Variants in PLCH1 observed in about 807,000 individuals in gnomAD.
PLCH1 encodes phospholipase C eta 1, also known as 1-phosphatidylinositol 4,5-bisphosphate phosphodiesterase eta-1.
In PLCH1, 60 loss-of-function variants were observed where a neutral mutation model predicts 126.7. The ratio of observed to expected loss-of-function variants is 0.47; its 90% CI spans 0.38 to 0.59. The LOEUF is 0.59. PLCH1 is among the 20% of genes least tolerant of loss of function. The probability of loss-of-function intolerance (pLI) is 0.00; values close to 1 mark genes in which losing one functional copy is unlikely to be tolerated. For missense variants in PLCH1, 1,723 were observed against 2,040.0 expected (o/e 0.84, Z 2.99); for synonymous variants, 719 against 734.9 (o/e 0.98, Z 0.35).
At chr3:155,551,211 G>A (rs1464939346) in intron 9 of PLCH1, among the ~76,000 whole-genome samples, 15 of 152,046 alleles carry the variant, frequency 9.9e-5, no homozygotes, top group African/African-American at 2.2e-4. Flanking sequence ...TTGGGAGGCC[G>A]AAGCAGGCAG....
intron 2 of PLCH1, among the ~76,000 whole-genome samples, chr3:155,647,952 A>G (rs1297730625): frequency 6.6e-6 from 1 of 152,142 alleles, no homozygotes; most frequent in East Asian, 1.9e-4. Flanking sequence ...CAGTAGAGGA[A>G]TTCTGGTAGA....
At chr3:155,626,080 C>T (rs1366048006) in intron 2 of PLCH1, among the ~76,000 whole-genome samples, 2 of 152,096 alleles carry the variant, frequency 1.3e-5, no homozygotes, top group Admixed American at 1.3e-4. Flanking sequence ...TTTGCAGGGA[C>T]ATGGATGAAG....
intron 2 of PLCH1, among the ~76,000 whole-genome samples, chr3:155,691,980 A>G (rs116044791): frequency 0.12 from 18,224 of 151,898 alleles, 1,269 homozygotes; most frequent in African/African-American, 0.19. Context: ...GCAGTGAGCC[A>G]AGATTGCACC....
chr3:155,457,203 C>T (rs904546130), intron 21 of PLCH1: 1 of 152,532 alleles, frequency 6.6e-6, no homozygotes, highest in Non-Finnish European at 1.5e-5. Flanking sequence ...TGACCTTGAA[C>T]CTCCATGCTT....
At chr3:155,504,675 C>CT (rs1257157519) in intron 12 of PLCH1, 49 bp from the exon 13 acceptor site, 1 of 1,330,054 alleles carries the variant, frequency 7.5e-7, no homozygotes, top group Non-Finnish European at 1.1e-6. Context: ...TTGCTTTTGT[C>CT]TTTTTCCTTA....
intron 2 of PLCH1, among the ~76,000 whole-genome samples, chr3:155,652,266 G>C (rs922814255): frequency 6.6e-6 from 1 of 152,122 alleles, no homozygotes; most frequent in African/African-American, 2.4e-5. Context: ...TAAATTCCTA[G>C]ATCTGATCAT....
intron 12 of PLCH1, among the ~76,000 whole-genome samples, chr3:155,510,980 C>G (rs1449227670): frequency 4.0e-5 from 5 of 126,138 alleles, no homozygotes; most frequent in Non-Finnish European, 8.0e-5. Context: ...CTCCACATCA[C>G]TTTCAGGTAC....
intron 2 of PLCH1, among the ~76,000 whole-genome samples, chr3:155,647,860 T>G (rs1740246557): frequency 6.6e-6 from 1 of 152,202 alleles, no homozygotes; most frequent in Non-Finnish European, 1.5e-5. Context: ...TTTCTGATCC[T>G]AATGCATAGC....
chr3:155,668,718 C>G (rs1489529167), intron 2 of PLCH1, among the ~76,000 whole-genome samples: 2 of 152,018 alleles, frequency 1.3e-5, no homozygotes, highest in East Asian at 3.9e-4. Context: ...CATGGTGAAA[C>G]CTTGTCTCTA....
chr3:155,727,192 T>C (rs1172849928), intron 1 of PLCH1, among the ~76,000 whole-genome samples: 2 of 152,138 alleles, frequency 1.3e-5, no homozygotes, highest in South Asian at 2.1e-4. Context: ...TTAGTCCTCA[T>C]AGTTTCTTAT....
rs758162244 is a variant in PLCH1 at position 155,554,125 on chromosome 3, A to G, written c.1141T>C (p.Phe381Leu). 6.2e-7 allele frequency: 1 copy of G among 1,613,816 alleles called. No homozygotes were observed. The highest frequency in any genetic ancestry group is 1.1e-5 in the South Asian group (1 of 91,068). Residue 381 changes from phenylalanine to leucine, a missense_variant, in exon 9 of 23, where the codon TTC becomes CTC. By Grantham distance (22) the Phe-to-Leu change is conservative. This residue lies in a region of PLCH1 where 776 missense variants were observed against 1,062.9 expected (regional missense o/e 0.73). Coordinates refer to ENST00000460012, the MANE Select transcript of PLCH1 (RefSeq NM_014996.4). ...HGYTLTSKIL[F>L]RDVVETINKH... ...TTGATGGTCTCCACAACATCTCTGA[A>G]GAGAATTTTTGAAGTGAGAGTGTAA...
intron 21 of PLCH1, 38 bp from the exon 22 acceptor site, chr3:155,485,748 T>C: frequency 7.8e-7 from 1 of 1,281,900 alleles, no homozygotes. Context: ...GTTAAGCAAA[T>C]GCCATCACAT....
chr3:155,652,011 T>C (rs1368278142), intron 2 of PLCH1, among the ~76,000 whole-genome samples: 2 of 152,372 alleles, frequency 1.3e-5, no homozygotes, highest in Admixed American at 6.5e-5. Flanking sequence ...CCGTTAGCTA[T>C]GCAAAGCAAG....
At chr3:155,466,587 G>A (rs1042974447) in intron 21 of PLCH1, among the ~76,000 whole-genome samples, 2 of 152,144 alleles carry the variant, frequency 1.3e-5, no homozygotes, top group African/African-American at 4.8e-5. Flanking sequence ...AGACACTGAA[G>A]AACATCTACT....
intron 1 of PLCH1, among the ~76,000 whole-genome samples, chr3:155,733,438 T>G (rs1199035457): frequency 6.6e-6 from 1 of 152,196 alleles, no homozygotes; most frequent in Admixed American, 6.5e-5. Context: ...CAATTGATTT[T>G]CAACAAAGGT....
chr3:155,549,088 T>G (rs781259438), intron 10 of PLCH1, among the ~76,000 whole-genome samples: 1 of 152,224 alleles, frequency 6.6e-6, no homozygotes, highest in Non-Finnish European at 1.5e-5. Context: ...GTGGTTTTAG[T>G]ACAAACACAC....
intron 4 of PLCH1, among the ~76,000 whole-genome samples, chr3:155,590,728 T>C (rs1205331281): frequency 2.6e-5 from 4 of 151,998 alleles, no homozygotes; most frequent in African/African-American, 9.7e-5. Flanking sequence ...CCAGCCTGGG[T>C]GACAGAGCGA....
intron 2 of PLCH1, among the ~76,000 whole-genome samples, chr3:155,699,030 T>G (rs1746059397): frequency 6.6e-6 from 1 of 151,660 alleles, no homozygotes; most frequent in African/African-American, 2.4e-5. Flanking sequence ...GTCTTTGAAA[T>G]TTTTCCCTGG....
chr3:155,644,082 G>T (rs1739719150), intron 2 of PLCH1, among the ~76,000 whole-genome samples: 1 of 152,160 alleles, frequency 6.6e-6, no homozygotes, highest in Non-Finnish European at 1.5e-5. Context: ...AATGAAGAGA[G>T]CCAATAATAT....
Sources: allele counts gnomAD v4.1 joint callset (sites outside exome capture counted in the v4.1 genomes callset), GRCh38; gene constraint gnomAD v4.1.1; regional missense constraint gnomAD v4.1.1; transcripts MANE v1.5; gene names NCBI Gene and HGNC (gene_info 2026-07-23, HGNC 2026-07-21).